Variants in HAO1 observed in about 807,000 individuals in gnomAD.
HAO1 encodes hydroxyacid oxidase 1.
Under a neutral mutation model 39.7 loss-of-function variants are expected in HAO1, and 34 were observed. The ratio of observed to expected loss-of-function variants is 0.86; its 90% CI spans 0.65 to 1.14. The LOEUF is 1.14. Among genes scored for constraint, HAO1 ranks in the 50% most tolerant of loss-of-function variants. The pLI is 0.00. For missense variants in HAO1, 479 were observed against 464.5 expected (o/e 1.03, Z -0.29); for synonymous variants, 172 against 173.2 (o/e 0.99, Z 0.05).
chr20:7,884,651 T>C (rs1408810760), intron 7 of HAO1, among the ~76,000 whole-genome samples: 5 of 152,132 alleles, frequency 3.3e-5, no homozygotes. Context: ...AGGGACATCA[T>C]GGAGGCAAAA....
chr20:7,906,737 TG>T (rs143696414), intron 3 of HAO1, among the ~76,000 whole-genome samples: 5,063 of 152,284 alleles, frequency 0.033, 239 homozygotes, highest in African/African-American at 0.11. Context: ...CAAAGGGTTT[TG>T]TATGCCAAAA....
At chr20:7,891,219 T>A (rs2050172848) in intron 5 of HAO1, among the ~76,000 whole-genome samples, 1 of 152,186 alleles carries the variant, frequency 6.6e-6, no homozygotes, top group African/African-American at 2.4e-5. Flanking sequence ...GTTTTTTGAT[T>A]CTTGGATTAT....
At chr20:7,887,463 C>T (rs1221511507) in intron 5 of HAO1, among the ~76,000 whole-genome samples, 1 of 152,086 alleles carries the variant, frequency 6.6e-6, no homozygotes, top group East Asian at 1.9e-4. Flanking sequence ...GGCATGTGGT[C>T]CCTAAATGTT....
intron 4 of HAO1, among the ~76,000 whole-genome samples, chr20:7,901,176 G>T (rs1262202501): frequency 6.6e-6 from 1 of 152,166 alleles, no homozygotes; most frequent in East Asian, 1.9e-4. Context: ...ACATAAAAGT[G>T]CAAGATGAAG....
At chr20:7,898,879 T>C (rs1335027083) in intron 4 of HAO1, among the ~76,000 whole-genome samples, 1 of 151,926 alleles carries the variant, frequency 6.6e-6, no homozygotes, top group Non-Finnish European at 1.5e-5. Flanking sequence ...TAAAATAATA[T>C]TCTGAATTGG....
At chr20:7,929,428 G>C (rs1258121451) in intron 2 of HAO1, among the ~76,000 whole-genome samples, 1 of 152,074 alleles carries the variant, frequency 6.6e-6, no homozygotes, top group Non-Finnish European at 1.5e-5. Flanking sequence ...AAACATACAG[G>C]ACACCTATGA....
At chr20:7,914,475 C>T in intron 2 of HAO1, 56 bp from the exon 3 acceptor site, 1 of 1,586,142 alleles carries the variant, frequency 6.3e-7, no homozygotes, top group Non-Finnish European at 8.6e-7. Context: ...CCTCCCAAAC[C>T]TTTGAATTGT....
intron 2 of HAO1, among the ~76,000 whole-genome samples, chr20:7,920,981 CAATT>C (rs1431047808): frequency 6.0e-5 from 9 of 150,910 alleles, no homozygotes; most frequent in Non-Finnish European, 3.0e-5. Context: ...GCAAAGAAAA[CAATT>C]AACAGAATCA....
intron 5 of HAO1, among the ~76,000 whole-genome samples, chr20:7,891,943 C>A (rs558386527): frequency 1.3e-5 from 2 of 152,314 alleles, no homozygotes; most frequent in South Asian, 2.1e-4. Flanking sequence ...CCTCTCCACC[C>A]TACTCAGAGG....
intron 2 of HAO1, among the ~76,000 whole-genome samples, chr20:7,921,210 C>A (rs371164175): frequency 5.7e-4 from 87 of 152,194 alleles, no homozygotes; most frequent in African/African-American, 2.0e-3. Flanking sequence ...ATGCATCCAA[C>A]AAAGGTCTAA....
At chr20:7,906,392 A>G in intron 3 of HAO1, 63 bp from the exon 4 acceptor site, 2 of 906,584 alleles carry the variant, frequency 2.2e-6, no homozygotes, top group Non-Finnish European at 3.6e-6. Flanking sequence ...CCAATGATTC[A>G]TTCAATGAAA....
intron 4 of HAO1, among the ~76,000 whole-genome samples, chr20:7,895,935 A>T (rs1473792502): frequency 6.6e-6 from 1 of 152,066 alleles, no homozygotes; most frequent in Non-Finnish European, 1.5e-5. Flanking sequence ...CCTCAGGCCT[A>T]TTGGCAGGTG....
intron 3 of HAO1, among the ~76,000 whole-genome samples, 200 bp from the exon 4 acceptor site, chr20:7,906,529 G>A (rs2050249092): frequency 6.6e-6 from 1 of 152,070 alleles, no homozygotes; most frequent in Non-Finnish European, 1.5e-5. Flanking sequence ...GTCTTAATCA[G>A]TGACCTAAAT....
chr20:7,907,255 A>G (rs1381889074), intron 3 of HAO1, among the ~76,000 whole-genome samples: 1 of 151,982 alleles, frequency 6.6e-6, no homozygotes, highest in Non-Finnish European at 1.5e-5. Flanking sequence ...TCAATTATCA[A>G]TACCTTCATT....
chr20:7,892,291 G>C (rs376221272), intron 5 of HAO1, among the ~76,000 whole-genome samples: 5 of 152,132 alleles, frequency 3.3e-5, no homozygotes, highest in African/African-American at 1.2e-4. Context: ...TCACACATCG[G>C]CCAGGCTGCT....
In HAO1 at chr20:7,901,665, G is replaced by A. The variant is rs2050221988; in HGVS notation, c.721+4489C>T. 1.3e-5 allele frequency among the ~76,000 whole-genome samples: 2 copies of A among 152,162 alleles called. 1 individual carries two copies. Among genetic ancestry groups the A allele is most frequent in the Admixed American group, 1.3e-4 (2 of 15,274 alleles). On this transcript the variant is annotated intron_variant, in intron 4 of 7. Transcript: ENST00000378789. ...CACAACCTCCACTCCATAGCCCATG[G>A]ATCAAGGAGTAATTTTGACTTTCAA...
At chr20:7,923,695 G>T (rs1297572821) in intron 2 of HAO1, among the ~76,000 whole-genome samples, 1 of 152,106 alleles carries the variant, frequency 6.6e-6, no homozygotes, top group Non-Finnish European at 1.5e-5. Context: ...TCTGATCAGG[G>T]CTTCTCAATC....
intron 2 of HAO1, among the ~76,000 whole-genome samples, chr20:7,920,641 C>T (rs566448024): frequency 9.9e-5 from 15 of 152,166 alleles, no homozygotes; most frequent in African/African-American, 3.4e-4. Context: ...GTGAGACCTA[C>T]CTTTTTAGAT....
intron 2 of HAO1, among the ~76,000 whole-genome samples, chr20:7,930,517 C>T (rs2050380980): frequency 6.6e-6 from 1 of 152,118 alleles, no homozygotes; most frequent in African/African-American, 2.4e-5. Context: ...AAAAATGACA[C>T]AGAGATGTGA....
Sources: allele counts gnomAD v4.1 joint callset (sites outside exome capture counted in the v4.1 genomes callset), GRCh38; gene constraint gnomAD v4.1.1; transcripts MANE v1.5; gene names NCBI Gene and HGNC (gene_info 2026-07-23, HGNC 2026-07-21).